The following CDYL2 variants were observed in gnomAD, a reference collection of about 807,000 sequenced individuals.
CDYL2 encodes chromodomain Y like 2.
A neutral mutation model predicts 49.4 loss-of-function variants in CDYL2; 23 were observed. The ratio of observed to expected loss-of-function variants is 0.47; its 90% CI spans 0.34 to 0.66. The LOEUF (loss-of-function observed/expected upper bound fraction) is 0.66, where lower values mean the gene tolerates loss of function less well. CDYL2 is among the 30% of genes least tolerant of loss of function. The pLI, the probability that CDYL2 is intolerant of heterozygous loss-of-function variation, is 0.01. For synonymous variants in CDYL2, 360 were observed against 268.8 expected, an observed-to-expected ratio of 1.34 and a Z score of -3.32; for missense variants, 678 against 656.4, an observed-to-expected ratio of 1.03 and a Z score of -0.36.
chr16:80,765,158 C>T lies in CDYL2; in HGVS notation c.24+38992G>A, dbSNP rs772103473. Among the ~76,000 whole-genome samples, 63 of 130,200 alleles carry T rather than the reference C, an allele frequency of 4.8e-4. No individual in the cohort carries two copies. The Middle Eastern group carries it at 0.013, about 27-fold the overall frequency. 85.4% of individuals were successfully genotyped at this position (130,200 alleles called of 152,430 possible). ...ATAATATATAGTACTATATGTTATA[C>T]AATATATATAATATATTATATAATA... On this transcript the variant is annotated intron_variant, in intron 1 of 6. Transcript: ENST00000570137.
intron 3 of CDYL2, among the ~76,000 whole-genome samples, chr16:80,627,032 G>C (rs77695846): frequency 0.039 from 5,879 of 152,104 alleles, 123 homozygotes; most frequent in Non-Finnish European, 0.045. Flanking sequence ...TTATACTGTT[G>C]GATGATTTTT....
At chr16:80,616,176 T>G (rs1906819167) in intron 4 of CDYL2, among the ~76,000 whole-genome samples, 1 of 152,178 alleles carries the variant, frequency 6.6e-6, no homozygotes, top group Non-Finnish European at 1.5e-5. Flanking sequence ...TGCCCCTAAC[T>G]AATGGTGAGA....
intron 1 of CDYL2, among the ~76,000 whole-genome samples, chr16:80,757,551 A>ATATATATAT (rs201231531): frequency 1.4e-5 from 2 of 145,522 alleles, no homozygotes; most frequent in African/African-American, 5.4e-5. Flanking sequence ...AAAAAAAAAA[A>ATATATATAT]AAATATATAT....
chr16:80,752,144 G>A (rs1906159350), intron 1 of CDYL2, among the ~76,000 whole-genome samples: 1 of 151,952 alleles, frequency 6.6e-6, no homozygotes, highest in Non-Finnish European at 1.5e-5. Flanking sequence ...ATAGTAACTG[G>A]AATTAAGAAC....
chr16:80,633,444 G>C (rs1474771164), intron 2 of CDYL2, among the ~76,000 whole-genome samples: 1 of 152,182 alleles, frequency 6.6e-6, no homozygotes, highest in African/African-American at 2.4e-5. Context: ...AGGGGACCTA[G>C]AGGGCTCTTT....
intron 1 of CDYL2, among the ~76,000 whole-genome samples, chr16:80,700,408 G>A (rs530724722): frequency 6.6e-6 from 1 of 152,276 alleles, no homozygotes; most frequent in South Asian, 2.1e-4. Context: ...ACAATGGACT[G>A]AGAAAATATT....
chr16:80,769,802 T>C (rs760355025), intron 1 of CDYL2, among the ~76,000 whole-genome samples: 75 of 152,144 alleles, frequency 4.9e-4, no homozygotes, highest in South Asian at 2.1e-3. Flanking sequence ...GAGATTAAAC[T>C]GAAAAAGAAT....
chr16:80,667,339 ATG>A (rs1909309135), intron 2 of CDYL2, among the ~76,000 whole-genome samples: 2 of 152,162 alleles, frequency 1.3e-5, no homozygotes, highest in South Asian at 4.2e-4. Flanking sequence ...ATTCTTTGTG[ATG>A]TGTCAACAGG....
intron 1 of CDYL2, among the ~76,000 whole-genome samples, chr16:80,721,314 C>G (rs191751816): frequency 3.5e-4 from 53 of 152,294 alleles, no homozygotes; most frequent in African/African-American, 1.2e-3. Flanking sequence ...CCTAAGAAAA[C>G]CGAGGCTCAG....
chr16:80,678,218 A>C (rs1909834653), intron 2 of CDYL2, among the ~76,000 whole-genome samples: 1 of 152,258 alleles, frequency 6.6e-6, no homozygotes, highest in African/African-American at 2.4e-5. Flanking sequence ...CTTCATGTCT[A>C]AAACACCAAA....
At chr16:80,719,075 G>A (rs1403199804) in intron 1 of CDYL2, among the ~76,000 whole-genome samples, 1 of 152,218 alleles carries the variant, frequency 6.6e-6, no homozygotes, top group Non-Finnish European at 1.5e-5. Context: ...CTCCTTGGAA[G>A]CGAACATTAC....
chr16:80,661,328 T>C (rs370700074), intron 2 of CDYL2, among the ~76,000 whole-genome samples: 4 of 152,184 alleles, frequency 2.6e-5, no homozygotes, highest in African/African-American at 9.7e-5. Flanking sequence ...AGAAGTGATC[T>C]ACACCTGCCC....
intron 1 of CDYL2, among the ~76,000 whole-genome samples, chr16:80,764,826 CG>C (rs1567599576): frequency 6.6e-6 from 1 of 151,714 alleles, no homozygotes; most frequent in East Asian, 1.9e-4. Flanking sequence ...TTTGTGAGGC[CG>C]AGGCAGGTGG....
Position 80,684,578 on chromosome 16 carries a change from TTC to T in CDYL2, c.574_575del (p.Glu192MetfsTer2). On this transcript the variant is annotated frameshift_variant, in exon 2 of 7. Coordinates refer to ENST00000570137, the MANE Select transcript of CDYL2 (RefSeq NM_152342.4). LOFTEE classifies it high-confidence loss of function. The stretch of plus-strand genomic sequence containing the variant: ...CCAGTGTAGCGTGATTCACGTCACA[TTC>T]ACCCATATCTTGCTCTCCAACATGA... ...NDHVGEQDMG[E>X]CDVNHATLAE... is the part of the protein sequence containing the mutation. 6.2e-7 allele frequency: 1 copy of T among 1,614,100 alleles called. No homozygotes were observed. The highest frequency in any genetic ancestry group is 8.5e-7 in the Non-Finnish European group (1 of 1,179,984).
Position 80,600,324 on chromosome 16 carries a change from T to C in CDYL2, c.*4064A>G, listed in dbSNP as rs1296506177. The C allele has an allele frequency of 6.6e-6, 1 of 152,174 alleles. No homozygotes were observed. Among genetic ancestry groups the C allele is most frequent in the Non-Finnish European group, 1.5e-5 (1 of 68,030 alleles). The allele number at this position is 152,174 out of a possible 1,614,324, so 9.4% of individuals were successfully genotyped here. A position where few individuals can be genotyped will look rare whatever the true frequency, so the allele number is the denominator to read the frequency against. On this transcript the variant is annotated 3_prime_UTR_variant, in exon 7 of 7. Coordinates refer to ENST00000570137, the MANE Select transcript of CDYL2 (RefSeq NM_152342.4). ...AATGAAAAATATTGCCTAAAACGCATATCCTAACTTATCACAGAAATATAA... is the reference window on the plus strand; with the variant it reads ...AATGAAAAATATTGCCTAAAACGCACATCCTAACTTATCACAGAAATATAA...
chr16:80,719,964 G>T (rs1170238913), intron 1 of CDYL2, among the ~76,000 whole-genome samples: 1 of 152,066 alleles, frequency 6.6e-6, no homozygotes, highest in Non-Finnish European at 1.5e-5. Flanking sequence ...TCTGGGAAGG[G>T]ATTCAAATCT....
intron 1 of CDYL2, among the ~76,000 whole-genome samples, chr16:80,706,849 T>C (rs976370000): frequency 1.3e-5 from 2 of 152,182 alleles, no homozygotes; most frequent in Non-Finnish European, 1.5e-5. Flanking sequence ...GTCTCATTCA[T>C]GAGAACAGAG....
At chr16:80,717,142 G>A (rs1278875928) in intron 1 of CDYL2, among the ~76,000 whole-genome samples, 1 of 148,352 alleles carries the variant, frequency 6.7e-6, no homozygotes, top group Non-Finnish European at 1.5e-5. Context: ...GGGTGGACTG[G>A]ATCGATAGAT....
chr16:80,607,114 C>A (rs544173791), intron 6 of CDYL2, among the ~76,000 whole-genome samples: 1 of 152,276 alleles, frequency 6.6e-6, no homozygotes, highest in South Asian at 2.1e-4. Context: ...AGAGAATCCA[C>A]GTGAAGAGAT....
Sources: allele counts gnomAD v4.1 joint callset (sites outside exome capture counted in the v4.1 genomes callset), GRCh38; gene constraint gnomAD v4.1.1; transcripts MANE v1.5; gene names NCBI Gene and HGNC (gene_info 2026-07-23, HGNC 2026-07-21).